The following NAALADL2 variants were observed in gnomAD, a reference collection of about 807,000 sequenced individuals.
NAALADL2 encodes N-acetylated alpha-linked acidic dipeptidase like 2, also known as inactive N-acetylated-alpha-linked acidic dipeptidase-like protein 2.
In NAALADL2, 76 loss-of-function variants were observed where a neutral mutation model predicts 87.2. The ratio of observed to expected loss-of-function variants is 0.87; its 90% CI spans 0.72 to 1.05. The LOEUF is 1.05. NAALADL2 is among the 50% of genes least tolerant of loss of function. NAALADL2 has a pLI of 0.00. For synonymous variants in NAALADL2, 354 were observed against 331.0 expected, an observed-to-expected ratio of 1.07 and a Z score of -0.75; for missense variants, 1,089 against 945.8, an observed-to-expected ratio of 1.15 and a Z score of -1.99.
chr3:175,148,126 A>T lies in NAALADL2; in HGVS notation c.545+50835A>T, dbSNP rs550508032. Among the ~76,000 whole-genome samples, 562 of 116,874 alleles carry T rather than the reference A, an allele frequency of 4.8e-3. 3 individuals are homozygous for T. Among genetic ancestry groups the T allele is most frequent in the South Asian group, 0.029 (114 of 3,888 alleles). 76.7% of individuals were successfully genotyped at this position (116,874 alleles called of 152,430 possible). On this transcript the variant is annotated intron_variant, in intron 2 of 13. Coordinates refer to ENST00000454872, the MANE Select transcript of NAALADL2 (RefSeq NM_207015.3). The stretch of plus-strand genomic sequence containing the variant: ...ATAATAATAATAATAATAATAATAA[A>T]ATAATAATAATAGCCATTCTGACTG...
At chr3:175,619,882 A>T (rs1233627465) in intron 10 of NAALADL2, among the ~76,000 whole-genome samples, 5 of 151,920 alleles carry the variant, frequency 3.3e-5, no homozygotes, top group South Asian at 4.2e-4. Flanking sequence ...CCTTATTCTG[A>T]TCCCACGTGA....
chr3:175,710,621 CAT>C (rs1222960229), intron 11 of NAALADL2, among the ~76,000 whole-genome samples: 4 of 151,084 alleles, frequency 2.6e-5, no homozygotes, highest in South Asian at 2.1e-4. Flanking sequence ...CACATATACA[CAT>C]ATAGACACTT....
At position 174,662,926 on chromosome 3, in the gene NAALADL2, C is replaced by T. The variant is rs144508157; in HGVS notation, c.-114-74715C>T. ...GTATTTATTATGTATTGAAATCTTA[C>T]GTATTTTACATAGATGACACTCATC... On this transcript the variant is annotated intron_variant, in intron 2 of 3. Coordinates refer to the NAALADL2 transcript ENST00000434257. Among the ~76,000 whole-genome samples, 45 of 152,240 alleles carry T rather than the reference C, an allele frequency of 3.0e-4. No individual in the cohort carries two copies. In the East Asian group the frequency reaches 6.9e-3, roughly 24 times the overall value.
intron 2 of NAALADL2, among the ~76,000 whole-genome samples, chr3:174,689,981 A>G (rs1319827472): frequency 1.3e-5 from 2 of 148,460 alleles, no homozygotes; most frequent in East Asian, 4.1e-4. Context: ...AAAAAAAAAA[A>G]GGTCCTGAGT....
At chr3:175,054,382 C>G (rs1018957506) in intron 1 of NAALADL2, among the ~76,000 whole-genome samples, 1 of 152,120 alleles carries the variant, frequency 6.6e-6, no homozygotes, top group Admixed American at 6.5e-5. Context: ...TATTAAGGGC[C>G]AATTTTTTGG....
At chr3:175,204,047 A>G (rs1740460745) in intron 2 of NAALADL2, among the ~76,000 whole-genome samples, 1 of 152,228 alleles carries the variant, frequency 6.6e-6, no homozygotes, top group Admixed American at 6.5e-5. Flanking sequence ...TAGTTTTGAC[A>G]CTATTCCACA....
chr3:174,618,275 G>C (rs1174268409), intron 2 of NAALADL2, among the ~76,000 whole-genome samples: 4 of 151,668 alleles, frequency 2.6e-5, no homozygotes, highest in African/African-American at 9.7e-5. Flanking sequence ...TTAGTAAGTT[G>C]CTATATTTCC....
chr3:174,601,001 A>G (rs1267589537), intron 2 of NAALADL2, among the ~76,000 whole-genome samples: 1 of 152,196 alleles, frequency 6.6e-6, no homozygotes, highest in Non-Finnish European at 1.5e-5. Flanking sequence ...CAGGCATGCA[A>G]TGCATAATAA....
intron 11 of NAALADL2, among the ~76,000 whole-genome samples, chr3:175,668,247 C>T (rs1461098630): frequency 1.3e-5 from 2 of 152,162 alleles, no homozygotes; most frequent in Middle Eastern, 6.8e-3. Flanking sequence ...ACTAAAACAC[C>T]ATAATATCCC....
At chr3:175,794,713 T>C (rs1753240616) in intron 13 of NAALADL2, among the ~76,000 whole-genome samples, 1 of 152,248 alleles carries the variant, frequency 6.6e-6, no homozygotes, top group Non-Finnish European at 1.5e-5. Context: ...CTCTATTTTA[T>C]ATTTTAATTA....
chr3:175,584,347 A>G (rs558538912), intron 10 of NAALADL2, among the ~76,000 whole-genome samples: 5 of 151,090 alleles, frequency 3.3e-5, no homozygotes, highest in African/African-American at 1.2e-4. Flanking sequence ...TACTGTTATC[A>G]CTTTTATTAT....
At chr3:175,184,372 T>A (rs1737026298) in intron 2 of NAALADL2, among the ~76,000 whole-genome samples, 2 of 152,156 alleles carry the variant, frequency 1.3e-5, no homozygotes, top group Non-Finnish European at 2.9e-5. Flanking sequence ...AATCTACAGA[T>A]AATGAACTAA....
chr3:175,495,196 A>G (rs1728650044), intron 9 of NAALADL2, among the ~76,000 whole-genome samples: 4 of 151,832 alleles, frequency 2.6e-5, no homozygotes, highest in Admixed American at 2.6e-4. Flanking sequence ...TTAAGTGTCC[A>G]AACATCTTTA....
intron 11 of NAALADL2, among the ~76,000 whole-genome samples, chr3:175,710,269 A>G (rs1313017274): frequency 6.6e-6 from 1 of 151,998 alleles, no homozygotes; most frequent in Non-Finnish European, 1.5e-5. Flanking sequence ...TATGGTATGT[A>G]CCTGTAGGCT....
chr3:175,765,122 G>T (rs980964083), intron 13 of NAALADL2, among the ~76,000 whole-genome samples: 1 of 151,748 alleles, frequency 6.6e-6, no homozygotes, highest in Admixed American at 6.6e-5. Context: ...TTTTAATAGC[G>T]ACCACTTGCA....
At chr3:174,898,246 T>G (rs1414594703) in intron 1 of NAALADL2, among the ~76,000 whole-genome samples, 1 of 151,482 alleles carries the variant, frequency 6.6e-6, no homozygotes, top group Non-Finnish European at 1.5e-5. Flanking sequence ...ATATCACATG[T>G]TCTCACTTCT....
chr3:175,431,605 C>A (rs1222975799), intron 5 of NAALADL2, among the ~76,000 whole-genome samples: 2 of 151,888 alleles, frequency 1.3e-5, no homozygotes, highest in African/African-American at 4.8e-5. Context: ...GCAAAGCGTT[C>A]CAAAAACAGC....
chr3:175,351,889 C>T (rs116230649), intron 5 of NAALADL2, among the ~76,000 whole-genome samples: 1 of 152,118 alleles, frequency 6.6e-6, no homozygotes, highest in African/African-American at 2.4e-5. Context: ...GCAATTACAT[C>T]ATAGAAATAA....
intron 2 of NAALADL2, among the ~76,000 whole-genome samples, chr3:174,602,222 A>G (rs1000445553): frequency 2.0e-5 from 3 of 152,152 alleles, no homozygotes; most frequent in African/African-American, 4.8e-5. Context: ...TAGTATGCAC[A>G]TTTTAACAAT....
Sources: gnomAD v4.1 joint callset for allele counts (sites outside exome capture counted in the v4.1 genomes callset) on GRCh38, gnomAD v4.1.1 for gene constraint, MANE v1.5 for transcripts, NCBI Gene and HGNC (gene_info 2026-07-23, HGNC 2026-07-21) for gene names.